SYNJ2: variants seen among roughly 807,000 people sequenced by gnomAD.
SYNJ2 encodes the protein polyphosphatidylinositol phosphatase SYNJ2.
A neutral mutation model predicts 141.3 loss-of-function variants in SYNJ2; 116 were observed. That is an observed-to-expected ratio of 0.82 (90% CI 0.71 to 0.96). SYNJ2 has a LOEUF of 0.96. Ranked by LOEUF, SYNJ2 falls within the 40% of genes least tolerant of loss-of-function variation. The pLI is 0.00. For synonymous variants in SYNJ2, 745 were observed against 777.7 expected (o/e 0.96, Z 0.70); for missense variants, 1,873 against 1,934.8 (o/e 0.97, Z 0.60).
intron 8 of SYNJ2, 123 bp from the exon 9 acceptor site, chr6:158,063,659 CAAAAAAAAA>C (rs71298907): frequency 0.019 from 3,556 of 188,378 alleles, 12 homozygotes; most frequent in East Asian, 0.061. Flanking sequence ...GACTCTGTCT[CAAAAAAAAA>C]AAAAAAAAAA....
At chr6:158,060,293 G>A (rs563415170) in intron 7 of SYNJ2, among the ~76,000 whole-genome samples, 20 of 152,176 alleles carry the variant, frequency 1.3e-4, no homozygotes, top group African/African-American at 2.6e-4. Flanking sequence ...AAGAGACTCC[G>A]CCCACCTGGC....
chr6:158,034,576 C>T (rs911841996), intron 4 of SYNJ2, among the ~76,000 whole-genome samples: 3 of 152,238 alleles, frequency 2.0e-5, no homozygotes, highest in Non-Finnish European at 4.4e-5. Context: ...GGAGGCTGCT[C>T]TCAGAGTCCC....
chr6:158,091,935 A>G (rs572499547), intron 25 of SYNJ2, among the ~76,000 whole-genome samples: 1 of 152,192 alleles, frequency 6.6e-6, no homozygotes, highest in Admixed American at 6.5e-5. Context: ...CAGGGACTGG[A>G]AGGAGGCCTG....
Position 158,084,004 on chromosome 6 carries a change from A to T in SYNJ2, c.3038A>T (p.Asp1013Val), listed in dbSNP as rs1181499830. The change falls in exon 22 of 27, where the codon GAT becomes GTT. Residue 1013 changes from aspartate (D) to valine (V), a missense_variant. Asp to Val is a radical substitution (Grantham distance 152). Transcript: ENST00000355585. This position sits in a 1 kb window ranked among gnomAD's most constrained non-coding sequence, Gnocchi z 5.0. ...FTSLDYESEG[D>V]ILEDDEDYLV... ...GTGATTCATTTCCTTCTCCCAGGGG[A>T]TATTCTTGAAGACGATGAAGACTAC... 16 of 1,613,800 alleles carry T rather than the reference A, an allele frequency of 9.9e-6. No homozygotes were observed. Among genetic ancestry groups the T allele is most frequent in the Non-Finnish European group, 1.4e-5 (16 of 1,179,952 alleles).
In SYNJ2 at chr6:158,040,872, G is replaced by A. The variant is rs919039123; in HGVS notation, c.712-2444G>A. Reference sequence around the variant, plus strand: ...CATCACAGCACTGGCACGGGCCTCCGACTTTTCTTCCCGTGGCCCCACTGC... The same window carrying A: ...CATCACAGCACTGGCACGGGCCTCCAACTTTTCTTCCCGTGGCCCCACTGC... On this transcript the variant is annotated intron_variant, in intron 4 of 26. Transcript: ENST00000355585. The surrounding 1 kb of genome is among the most constrained non-coding windows in gnomAD (Gnocchi z 4.2). Among the ~76,000 whole-genome samples the A allele has an allele frequency of 9.2e-5, 14 of 152,124 alleles. No homozygotes were observed. Among genetic ancestry groups the A allele is most frequent in the Admixed American group, 3.3e-4 (5 of 15,274 alleles).
chr6:158,039,706 C>G (rs1562347713), intron 4 of SYNJ2, among the ~76,000 whole-genome samples: 2 of 152,240 alleles, frequency 1.3e-5, no homozygotes, highest in Non-Finnish European at 2.9e-5. Flanking sequence ...TGGCCTCCCC[C>G]TCCACCTGAC....
intron 4 of SYNJ2, among the ~76,000 whole-genome samples, chr6:158,038,033 G>A (rs1779733247): frequency 6.6e-6 from 1 of 152,226 alleles, no homozygotes; most frequent in Non-Finnish European, 1.5e-5. Flanking sequence ...AGAGCTCAGA[G>A]GCAGGGACCT....
Position 158,064,281 on chromosome 6 carries a change from G to A in SYNJ2, c.1210-320G>A, listed in dbSNP as rs185134449. On this transcript the variant is annotated intron_variant, in intron 9 of 26. Coordinates refer to ENST00000355585, the MANE Select transcript of SYNJ2 (RefSeq NM_003898.4). ...CCTGGTTGACCTCTCCTGGCTGGGG[G>A]GTCGGGGGTAGGGTCAGCACCCCCT... Among the ~76,000 whole-genome samples, 535 of 152,108 alleles carry A rather than the reference G, an allele frequency of 3.5e-3. 1 individual carries two copies. Among genetic ancestry groups the A allele is most frequent in the African/African-American group, 0.012 (513 of 41,466 alleles).
At chr6:158,091,927 G>A (rs1359910515) in intron 25 of SYNJ2, among the ~76,000 whole-genome samples, 1 of 152,120 alleles carries the variant, frequency 6.6e-6, no homozygotes, top group Non-Finnish European at 1.5e-5. Context: ...TTGCTTTCCA[G>A]GGACTGGAAG....
chr6:158,089,777 G>T (rs886644042), intron 24 of SYNJ2, 62 bp from the exon 25 acceptor site: 4 of 1,289,848 alleles, frequency 3.1e-6, no homozygotes, highest in Non-Finnish European at 3.3e-6. Flanking sequence ...TAGCAGATAC[G>T]TCCCACGAGG....
intron 1 of SYNJ2, among the ~76,000 whole-genome samples, chr6:158,004,803 G>A (rs976536949): frequency 6.6e-6 from 1 of 151,944 alleles, no homozygotes; most frequent in Non-Finnish European, 1.5e-5. Flanking sequence ...ACTGCCCCTC[G>A]TTTCGGCAGT....
At position 158,085,460 on chromosome 6, in the gene SYNJ2, C is replaced by T. The variant is rs576355749; in HGVS notation, c.3208+1286C>T. 5.7e-4 allele frequency among the ~76,000 whole-genome samples: 87 copies of T among 152,316 alleles called. 3 individuals are homozygous for T. The South Asian group carries it at 0.012, about 22-fold the overall frequency. ...CCTCTAGCTGTCAATCACTGAGCCCCGAGTTGGAGGACAGCTCTAACCAGC... is the reference window on the plus strand; with the variant it reads ...CCTCTAGCTGTCAATCACTGAGCCCTGAGTTGGAGGACAGCTCTAACCAGC... On this transcript the variant is annotated intron_variant, in intron 22 of 26. Transcript: ENST00000355585.
At chr6:158,002,184 C>T (rs1777888469) in intron 1 of SYNJ2, 1 of 151,280 alleles carries the variant, frequency 6.6e-6, no homozygotes, top group South Asian at 2.1e-4. Context: ...AGCCTAGAAC[C>T]ATGCCTGGCA....
In SYNJ2 at chr6:158,027,202, T is replaced by C; in HGVS notation, c.215-1554T>C. 1 of 984,900 alleles carries C rather than the reference T, an allele frequency of 1.0e-6. No individual in the cohort carries two copies. Among genetic ancestry groups the C allele is most frequent in the Non-Finnish European group, 1.2e-6 (1 of 829,810 alleles). 61.0% of individuals were successfully genotyped at this position (984,900 alleles called of 1,614,324 possible). ...GGGGTGAGAGGGTGGTGGAACTGGTTGTTTTGGGGGTCTCTTCCTGGAGTG... is the reference window on the plus strand; with the variant it reads ...GGGGTGAGAGGGTGGTGGAACTGGTCGTTTTGGGGGTCTCTTCCTGGAGTG... On this transcript the variant is annotated intron_variant, in intron 2 of 26. Coordinates refer to ENST00000355585, the MANE Select transcript of SYNJ2 (RefSeq NM_003898.4). This position sits in a 1 kb window ranked among gnomAD's most constrained non-coding sequence, Gnocchi z 4.6.
intron 1 of SYNJ2, among the ~76,000 whole-genome samples, chr6:158,012,869 G>T (rs116891157): frequency 6.6e-6 from 1 of 152,166 alleles, no homozygotes; most frequent in South Asian, 2.1e-4. Context: ...TCCTCAAGAC[G>T]AGGGGCTTCT....
chr6:158,052,517 G>T (rs979565105), intron 5 of SYNJ2, among the ~76,000 whole-genome samples: 4 of 152,208 alleles, frequency 2.6e-5, no homozygotes, highest in African/African-American at 9.7e-5. Flanking sequence ...AGGGTCTCAG[G>T]AAGCTTACAG....
chr6:158,081,134 G>A lies in SYNJ2; in HGVS notation c.2593G>A (p.Glu865Lys). Residue 865 changes from glutamate (E) to lysine (K), a missense_variant, in exon 19 of 27, where the codon GAA (glutamate) becomes AAA (lysine). By Grantham distance (56) the Glu-to-Lys change is moderately conservative. Coordinates refer to ENST00000355585, the MANE Select transcript of SYNJ2 (RefSeq NM_003898.4). Reference sequence around the variant, plus strand: ...ACCTGTGCTGGCGATCGTGGAGGTGGAAGTTCAGGAAGTCGATGTGGGTGC... The same window carrying A: ...ACCTGTGCTGGCGATCGTGGAGGTGAAAGTTCAGGAAGTCGATGTGGGTGC... ...HRPVLAIVEVEVQEVDVGARE... is the reference protein window; with the variant it reads ...HRPVLAIVEVKVQEVDVGARE... 1.9e-6 allele frequency: 3 copies of A among 1,614,086 alleles called. No individual in the cohort carries two copies. Among genetic ancestry groups the A allele is most frequent in the South Asian group, 2.2e-5 (2 of 91,074 alleles).
rs6911795 is a variant in SYNJ2, at chr6:157,983,832, T to A, written c.127+1744T>A. ...TTCAGTAGAAAACTTTAAAAAAAAATTTTTTTTTTTTTTGAAACAGAGGCT... is the reference window on the plus strand; with the variant it reads ...TTCAGTAGAAAACTTTAAAAAAAAAATTTTTTTTTTTTTGAAACAGAGGCT... On this transcript the variant is annotated intron_variant, in intron 1 of 26. Transcript: ENST00000355585. 6.0e-3 allele frequency among the ~76,000 whole-genome samples: 830 copies of A among 137,280 alleles called. 6 individuals are homozygous for A. Among genetic ancestry groups the A allele is most frequent in the African/African-American group, 0.022 (727 of 32,488 alleles). The allele number at this position is 137,280 out of a possible 152,430, so 90.1% of individuals were successfully genotyped here.
At chr6:157,985,265 C>G (rs1200462389) in intron 1 of SYNJ2, among the ~76,000 whole-genome samples, 1 of 144,232 alleles carries the variant, frequency 6.9e-6, no homozygotes, top group African/African-American at 3.0e-5. Context: ...TTCACCTGTC[C>G]TGCTCTAAAG....
Sources: gnomAD v4.1 joint callset for allele counts (sites outside exome capture counted in the v4.1 genomes callset) on GRCh38, gnomAD v4.1.1 for gene constraint, Gnocchi (gnomAD v3.1) non-coding constraint, MANE v1.5 for transcripts, NCBI Gene and HGNC (gene_info 2026-07-23, HGNC 2026-07-21) for gene names.